Variants in NUP88 observed in about 807,000 individuals in gnomAD.
NUP88 encodes the protein nuclear pore complex protein Nup88.
In NUP88, 57 loss-of-function variants were observed where a neutral mutation model predicts 93.9. That is an observed-to-expected ratio of 0.61 (90% CI 0.49 to 0.76). The LOEUF is 0.76. Among genes scored for constraint, NUP88 ranks in the 30% least tolerant of loss-of-function variants. The pLI is 0.00. For synonymous variants in NUP88, 346 were observed against 336.8 expected (o/e 1.03, Z -0.30); for missense variants, 911 against 901.0 (o/e 1.01, Z -0.14).
At position 5,387,523 on chromosome 17, in the gene NUP88, C is replaced by G. The variant is rs113552421; in HGVS notation, c.1836-57G>C. On this transcript the variant is annotated intron_variant, in intron 13 of 16. Transcript: ENST00000573584. ...GTCCACCCCTTGATGCTGAAACCACCTAATGTGGCTCAGCATCTTAGGGTG... is the reference window on the plus strand; with the variant it reads ...GTCCACCCCTTGATGCTGAAACCACGTAATGTGGCTCAGCATCTTAGGGTG... 1.6e-5 allele frequency: 25 copies of G among 1,590,106 alleles called. No individual in the cohort carries two copies. In the African/African-American group the frequency reaches 1.9e-4, roughly 12 times the overall value.
Position 5,386,984 on chromosome 17 carries a change from C to G in NUP88, c.2043G>C (p.Gln681His). The G allele has an allele frequency of 6.2e-7, 1 of 1,613,776 alleles. No homozygotes were observed. The highest frequency in any genetic ancestry group is 1.6e-4 in the Middle Eastern group (1 of 6,062). ...QLRHLGNAIK[Q>H]VTMKKDYQQQ... ...TTAGCTAGTTTGGATCTATTCCTAC[C>G]TGTTTGATGGCATTGCCCAAATGTC... The change falls in exon 15 of 17, where the codon CAG (glutamine) becomes CAC (histidine). Residue 681 changes from glutamine to histidine, a missense_variant and splice_region_variant. By Grantham distance (24) the Gln-to-His change is conservative. Coordinates refer to ENST00000573584, the MANE Select transcript of NUP88 (RefSeq NM_002532.6).
At chr17:5,417,604 C>T (rs986555873) in intron 1 of NUP88, among the ~76,000 whole-genome samples, 22 of 152,206 alleles carry the variant, frequency 1.4e-4, no homozygotes, top group Admixed American at 3.9e-4. Flanking sequence ...TTTGGGAGGC[C>T]AAGACGGGTG....
At position 5,387,623 on chromosome 17, in the gene NUP88, CTG is replaced by C; in HGVS notation, c.1815_1816del (p.Ser606LeufsTer14). The C allele has an allele frequency of 6.2e-7, 1 of 1,613,240 alleles. No individual in the cohort carries two copies. The highest frequency in any genetic ancestry group is 8.5e-7 in the Non-Finnish European group (1 of 1,179,510). ...CACTTACCTCTCTTCTCGACAATAA[CTG>C]AGATCTTCTAGTTGTTTCTTTTTTT... On this transcript the variant is annotated frameshift_variant, in exon 13 of 17. Coordinates refer to ENST00000573584, the MANE Select transcript of NUP88 (RefSeq NM_002532.6). LOFTEE classifies it high-confidence loss of function.
intron 4 of NUP88, among the ~76,000 whole-genome samples, chr17:5,409,272 G>A (rs747678055): frequency 4.0e-5 from 6 of 151,888 alleles, no homozygotes; most frequent in Non-Finnish European, 7.4e-5. Flanking sequence ...TACTTGGGAG[G>A]CTAAGGCAGG....
At chr17:5,404,394 T>C (rs1913361113) in intron 6 of NUP88, 148 bp from the exon 7 acceptor site, 4 of 676,096 alleles carry the variant, frequency 5.9e-6, no homozygotes, top group South Asian at 5.7e-5. Flanking sequence ...AGGTGGATCA[T>C]CTGAGGTCAG....
chr17:5,410,773 CA>C lies in NUP88; in HGVS notation c.609del (p.Glu204SerfsTer8). ...ATCACGTTAGTGGGTGTCTGCGGCT[CA>C]CGTAGTGAGTAAATTCTAGCAACCA... The part of the protein sequence containing the change: ...SDNVIRIYSL[R>X]EPQTPTNVII... On this transcript the variant is annotated frameshift_variant, in exon 4 of 17. Transcript: ENST00000573584. LOFTEE classifies it high-confidence loss of function. The C allele has an allele frequency of 6.2e-7, 1 of 1,610,716 alleles. No individual in the cohort carries two copies. The highest frequency in any genetic ancestry group is 8.5e-7 in the Non-Finnish European group (1 of 1,178,052).
intron 8 of NUP88, among the ~76,000 whole-genome samples, chr17:5,397,843 G>GA (rs1278839611): frequency 8.4e-6 from 1 of 119,606 alleles, no homozygotes; most frequent in African/African-American, 3.0e-5. Context: ...AAGGCTGCTA[G>GA]ATTTTTTTTA....
chr17:5,412,947 A>G (rs778955222), intron 3 of NUP88, among the ~76,000 whole-genome samples: 1 of 152,118 alleles, frequency 6.6e-6, no homozygotes, highest in Non-Finnish European at 1.5e-5. Flanking sequence ...ACACTCTCCA[A>G]TCACTTCTGA....
intron 10 of NUP88, 139 bp downstream of exon 10, chr17:5,391,422 C>T: frequency 1.6e-6 from 1 of 636,258 alleles, no homozygotes; most frequent in Non-Finnish European, 2.8e-6. Context: ...CAGAAATATC[C>T]ATCCTTCCAA....
At chr17:5,387,221 G>T (rs1912058980) in intron 14 of NUP88, 111 bp from the exon 15 acceptor site, 1 of 1,349,456 alleles carries the variant, frequency 7.4e-7, no homozygotes, top group Non-Finnish European at 1.0e-6. Flanking sequence ...GGCCCCATAG[G>T]AAGGGTTAGG....
intron 10 of NUP88, among the ~76,000 whole-genome samples, chr17:5,391,108 CT>C (rs573119541): frequency 2.6e-4 from 39 of 152,230 alleles, no homozygotes; most frequent in African/African-American, 9.1e-4. Context: ...TATTTGTTAC[CT>C]GTGACTTCAG....
rs763140759 is a variant in NUP88 at position 5,408,906 on chromosome 17, C to G, written c.684G>C (p.Arg228Ser). ...EEESLVLNKGRAYTASLGETA... is the reference protein window; with the variant it reads ...EEESLVLNKGSAYTASLGETA... ...TCTCTCCTAGAGATGCGGTATACGC[C>G]CTTCTGGAAAGAGATGTAAAAACCA... is the stretch of plus-strand genomic sequence containing the variant. The change falls in exon 5 of 17, where the codon AGG (arginine) becomes AGC (serine). Residue 228 changes from arginine (R) to serine (S), a missense_variant. Arg to Ser is a moderately radical substitution (Grantham distance 110). Transcript: ENST00000573584. 6.4e-7 allele frequency: 1 copy of G among 1,562,578 alleles called. No individual in the cohort carries two copies. The highest frequency in any genetic ancestry group is 1.4e-5 in the African/African-American group (1 of 71,746).
chr17:5,386,643 G>GA, intron 16 of NUP88, 65 bp downstream of exon 16: 1 of 1,080,258 alleles, frequency 9.3e-7, no homozygotes, highest in South Asian at 1.3e-5. Context: ...AAGACAGGTT[G>GA]ATTCTGGCAT....
intron 3 of NUP88, among the ~76,000 whole-genome samples, chr17:5,413,238 C>G (rs912118882): frequency 1.3e-5 from 2 of 152,130 alleles, no homozygotes; most frequent in Non-Finnish European, 2.9e-5. Context: ...TCCCAAAGTG[C>G]TGGGATTACA....
At chr17:5,399,741 C>T (rs1053387669) in intron 7 of NUP88, 91 bp from the exon 8 acceptor site, 3 of 601,018 alleles carry the variant, frequency 5.0e-6, no homozygotes, top group South Asian at 2.2e-5. Flanking sequence ...CATTAGCCTA[C>T]AAACGCATTT....
In NUP88 at chr17:5,388,869, G is replaced by A; in HGVS notation, c.1576C>T (p.Pro526Ser). The part of the protein sequence containing the change: ...ESPLRVLAET[P>S]DSFEKHIRSI... ...CTAATATGCTTTTCAAAGGAATCTG[G>A]GGTTTCAGCCAGAACACGGAGGGGA... is the stretch of plus-strand genomic sequence containing the variant. The change falls in exon 11 of 17, where the codon CCA (proline) becomes TCA (serine). Residue 526 changes from proline (P) to serine (S), a missense_variant. By Grantham distance (74) the Pro-to-Ser change is moderately conservative. Coordinates refer to ENST00000573584, the MANE Select transcript of NUP88 (RefSeq NM_002532.6). 2 of 1,614,056 alleles carry A rather than the reference G, an allele frequency of 1.2e-6. No homozygotes were observed. The highest frequency in any genetic ancestry group is 8.5e-7 in the Non-Finnish European group (1 of 1,179,962).
At chr17:5,404,318 A>G in intron 6 of NUP88, 72 bp from the exon 7 acceptor site, 3 of 1,548,728 alleles carry the variant, frequency 1.9e-6, no homozygotes, top group Non-Finnish European at 2.7e-6. Context: ...AAACAGGCAA[A>G]AAGCTGGGTC....
intron 9 of NUP88, among the ~76,000 whole-genome samples, chr17:5,392,928 C>T (rs1912532712): frequency 6.6e-6 from 1 of 151,618 alleles, no homozygotes; most frequent in African/African-American, 2.4e-5. Context: ...TAGCTGGGAC[C>T]ACAGGTACAT....
chr17:5,405,393 C>T (rs551701104), intron 5 of NUP88, 150 bp from the exon 6 acceptor site: 2 of 676,550 alleles, frequency 3.0e-6, no homozygotes, highest in Non-Finnish European at 4.8e-6. Flanking sequence ...CGCTTTCCCA[C>T]TCAGATCCCA....
Sources: allele counts gnomAD v4.1 joint callset (sites outside exome capture counted in the v4.1 genomes callset), GRCh38; gene constraint gnomAD v4.1.1; transcripts MANE v1.5; gene names NCBI Gene and HGNC (gene_info 2026-07-23, HGNC 2026-07-21).